ATG10: variants seen among roughly 807,000 people sequenced by gnomAD.
ATG10 encodes the protein ubiquitin-like-conjugating enzyme ATG10.
A neutral mutation model predicts 32.1 loss-of-function variants in ATG10; 30 were observed. The observed-to-expected ratio is 0.94, with a 90% confidence interval of 0.70 to 1.27. The LOEUF is 1.27. Ranked by LOEUF, ATG10 falls within the 50% of genes most tolerant of loss-of-function variation. The pLI is 0.00. For missense variants in ATG10, 233 were observed against 262.3 expected (o/e 0.89, Z 0.77); for synonymous variants, 87 against 91.5 (o/e 0.95, Z 0.28).
intron 3 of ATG10, among the ~76,000 whole-genome samples, chr5:82,104,669 A>G (rs1255788296): frequency 2.6e-5 from 4 of 152,132 alleles, no homozygotes; most frequent in African/African-American, 7.2e-5. Context: ...TTAAAACTCA[A>G]TAGTTTTTTC....
chr5:82,056,043 G>A (rs1443629828), intron 2 of ATG10, among the ~76,000 whole-genome samples: 1 of 152,174 alleles, frequency 6.6e-6, no homozygotes, highest in African/African-American at 2.4e-5. Flanking sequence ...TGACAGAATA[G>A]CCCAATGACG....
At chr5:82,037,234 C>CTTTTTTT (rs1166784267) in intron 2 of ATG10, among the ~76,000 whole-genome samples, 680 of 36,972 alleles carry the variant, frequency 0.018, 230 homozygotes, top group Non-Finnish European at 0.027. Flanking sequence ...ATCTCATTTA[C>CTTTTTTT]TTTTTTTTTT....
intron 3 of ATG10, among the ~76,000 whole-genome samples, chr5:82,104,717 A>G (rs1219736335): frequency 6.6e-6 from 1 of 152,118 alleles, no homozygotes; most frequent in Non-Finnish European, 1.5e-5. Context: ...CTGTCCAGCA[A>G]GGATCTGATA....
chr5:82,032,953 A>G (rs1762785154), intron 2 of ATG10, among the ~76,000 whole-genome samples: 2 of 152,144 alleles, frequency 1.3e-5, no homozygotes, highest in Admixed American at 6.5e-5. Context: ...TCTGTTTGGG[A>G]TGGAGCTCAT....
intron 2 of ATG10, among the ~76,000 whole-genome samples, chr5:82,007,374 A>G (rs186493439): frequency 1.3e-5 from 2 of 152,330 alleles, no homozygotes; most frequent in Admixed American, 6.5e-5. Flanking sequence ...AGTTTTCACC[A>G]TGTCTCACAT....
At chr5:82,195,610 A>G (rs1203586850) in intron 5 of ATG10, among the ~76,000 whole-genome samples, 1 of 152,080 alleles carries the variant, frequency 6.6e-6, no homozygotes, top group East Asian at 1.9e-4. Context: ...TATTCTGGAG[A>G]TTTTATATCA....
chr5:82,194,379 A>T (rs1744774312), intron 5 of ATG10, among the ~76,000 whole-genome samples: 1 of 152,184 alleles, frequency 6.6e-6, no homozygotes, highest in African/African-American at 2.4e-5. Flanking sequence ...CATCGCCTAG[A>T]TGTTATTTGA....
At chr5:82,064,182 A>C (rs926359677) in intron 3 of ATG10, among the ~76,000 whole-genome samples, 3 of 152,220 alleles carry the variant, frequency 2.0e-5, no homozygotes, top group Non-Finnish European at 4.4e-5. Context: ...TGCATAAAAC[A>C]ACATTATTTT....
chr5:82,099,899 C>T (rs1215170960), intron 3 of ATG10, among the ~76,000 whole-genome samples: 2 of 150,818 alleles, frequency 1.3e-5, no homozygotes, highest in Non-Finnish European at 2.9e-5. Context: ...CTTTGTCAAT[C>T]AATCACTAGT....
At chr5:82,178,465 C>A (rs1744114357) in intron 4 of ATG10, 25 bp from the exon 5 acceptor site, 2 of 1,391,046 alleles carry the variant, frequency 1.4e-6, no homozygotes, top group South Asian at 1.2e-5. Context: ...ATTACTAACT[C>A]AGTCTTTACC....
intron 2 of ATG10, chr5:82,010,154 T>G (rs1247096124): frequency 8.7e-6 from 12 of 1,372,996 alleles, no homozygotes; most frequent in Non-Finnish European, 1.2e-5. Flanking sequence ...CTTATATTTC[T>G]TGTCCTCAAG....
intron 3 of ATG10, among the ~76,000 whole-genome samples, chr5:82,159,529 A>G (rs1192018952): frequency 6.6e-6 from 1 of 152,130 alleles, no homozygotes; most frequent in Non-Finnish European, 1.5e-5. Flanking sequence ...GTGTTCTGTA[A>G]CATGGTATCA....
At chr5:82,124,002 T>A (rs1267465408) in intron 3 of ATG10, among the ~76,000 whole-genome samples, 1 of 151,952 alleles carries the variant, frequency 6.6e-6, no homozygotes, top group African/African-American at 2.4e-5. Flanking sequence ...AAACCACTAG[T>A]TAAACAAAAG....
intron 2 of ATG10, among the ~76,000 whole-genome samples, chr5:82,054,998 A>C (rs906577243): frequency 6.6e-6 from 1 of 152,182 alleles, no homozygotes; most frequent in Non-Finnish European, 1.5e-5. Flanking sequence ...TTGAGTTGAC[A>C]TCGTTTTTTC....
chr5:82,146,823 A>T (rs1263459234), intron 3 of ATG10, among the ~76,000 whole-genome samples: 1 of 151,852 alleles, frequency 6.6e-6, no homozygotes, highest in Non-Finnish European at 1.5e-5. Flanking sequence ...ATATGAATAT[A>T]TTTTTTCCTC....
rs567068952 is a variant in ATG10, at chr5:81,977,949, T to A, written c.-13+5643T>A. ...GAATGTGCCTTTCATTACAAAAATG[T>A]CCAACCATTTCCTTTTTTTATTTTC... On this transcript the variant is annotated intron_variant, in intron 1 of 7. Transcript: ENST00000282185. 5.9e-5 allele frequency among the ~76,000 whole-genome samples: 9 copies of A among 152,350 alleles called. No homozygotes were observed. In the South Asian group the frequency reaches 1.9e-3, roughly 32 times the overall value.
intron 2 of ATG10, among the ~76,000 whole-genome samples, chr5:82,014,487 G>A (rs1180565628): frequency 1.3e-5 from 2 of 152,218 alleles, no homozygotes; most frequent in Non-Finnish European, 1.5e-5. Flanking sequence ...GGTCTCTAAG[G>A]ACTTGCTTTA....
At chr5:82,199,320 A>G (rs1038479744) in intron 5 of ATG10, among the ~76,000 whole-genome samples, 5 of 152,196 alleles carry the variant, frequency 3.3e-5, no homozygotes, top group Admixed American at 3.3e-4. Flanking sequence ...TTTCTTTTTA[A>G]TAAATTTCCC....
At chr5:82,244,730 G>C (rs1053382320) in intron 5 of ATG10, among the ~76,000 whole-genome samples, 4 of 152,168 alleles carry the variant, frequency 2.6e-5, no homozygotes, top group Non-Finnish European at 5.9e-5. Flanking sequence ...TAAGAATGAA[G>C]GTGCAGTATT....
Sources: allele counts gnomAD v4.1 joint callset (sites outside exome capture counted in the v4.1 genomes callset), GRCh38; gene constraint gnomAD v4.1.1; transcripts MANE v1.5; gene names NCBI Gene and HGNC (gene_info 2026-07-23, HGNC 2026-07-21).